Variants in CNTNAP2 observed in about 807,000 individuals in gnomAD.
CNTNAP2 encodes contactin associated protein 2.
Under a neutral mutation model 155.2 loss-of-function variants are expected in CNTNAP2, and 98 were observed. The ratio of observed to expected loss-of-function variants is 0.63; its 90% confidence interval spans 0.54 to 0.75. The LOEUF (loss-of-function observed/expected upper bound fraction) is 0.75. Ranked by LOEUF, CNTNAP2 falls within the 30% of genes least tolerant of loss-of-function variation. The pLI, the probability that CNTNAP2 is intolerant of heterozygous loss-of-function variation, is 0.00. For synonymous variants in CNTNAP2, 651 were observed against 631.2 expected, an observed-to-expected ratio of 1.03 and a Z score of -0.47; for missense variants, 1,727 against 1,688.1, an observed-to-expected ratio of 1.02 and a Z score of -0.40.
At chr7:146,562,176 A>G (rs1391011838) in intron 1 of CNTNAP2, among the ~76,000 whole-genome samples, 1 of 152,204 alleles carries the variant, frequency 6.6e-6, no homozygotes, top group Non-Finnish European at 1.5e-5. Context: ...TGAATTAGTT[A>G]TAAAACTGCT....
At chr7:146,927,438 T>A (rs1008498215) in intron 3 of CNTNAP2, among the ~76,000 whole-genome samples, 25 of 152,104 alleles carry the variant, frequency 1.6e-4, no homozygotes, top group Non-Finnish European at 3.2e-4. Flanking sequence ...TAGAAATATA[T>A]ATAATGATAT....
At chr7:147,216,655 A>G (rs1584798068) in intron 8 of CNTNAP2, among the ~76,000 whole-genome samples, 1 of 151,940 alleles carries the variant, frequency 6.6e-6, no homozygotes, top group South Asian at 2.1e-4. Flanking sequence ...ATTTTGTTAA[A>G]TGTTCTGGGT....
chr7:146,235,868 T>C (rs1403927660), intron 1 of CNTNAP2, among the ~76,000 whole-genome samples: 1 of 152,120 alleles, frequency 6.6e-6, no homozygotes, highest in Non-Finnish European at 1.5e-5. Context: ...AGCAAAGACA[T>C]TGATACATAG....
At chr7:147,891,350 G>A (rs375049031) in intron 13 of CNTNAP2, among the ~76,000 whole-genome samples, 24 of 152,074 alleles carry the variant, frequency 1.6e-4, no homozygotes, top group East Asian at 3.9e-4. Flanking sequence ...GATTGCAGGC[G>A]TGCACCATCA....
chr7:147,287,171 C>A (rs935509910), intron 8 of CNTNAP2, among the ~76,000 whole-genome samples: 55 of 152,032 alleles, frequency 3.6e-4, no homozygotes, highest in African/African-American at 1.2e-3. Context: ...AGAGTGGGGT[C>A]AGTGGATGCA....
intron 21 of CNTNAP2, among the ~76,000 whole-genome samples, chr7:148,274,222 C>G (rs950537052): frequency 6.6e-6 from 1 of 152,000 alleles, no homozygotes; most frequent in Non-Finnish European, 1.5e-5. Context: ...AAACTCTTGA[C>G]TTGTGATGAA....
chr7:146,300,897 G>T (rs1411628795), intron 1 of CNTNAP2, among the ~76,000 whole-genome samples: 1 of 151,994 alleles, frequency 6.6e-6, no homozygotes, highest in East Asian at 1.9e-4. Flanking sequence ...AATATTATAG[G>T]TATTAAAATG....
At chr7:146,483,913 A>C (rs941702488) in intron 1 of CNTNAP2, among the ~76,000 whole-genome samples, 2 of 152,098 alleles carry the variant, frequency 1.3e-5, no homozygotes, top group Admixed American at 1.3e-4. Context: ...AGTGTTTATA[A>C]AGTCTATAGT....
intron 8 of CNTNAP2, among the ~76,000 whole-genome samples, chr7:147,247,682 AG>A (rs1017053098): frequency 9.2e-5 from 14 of 152,168 alleles, no homozygotes; most frequent in Non-Finnish European, 1.5e-4. Context: ...GTCCTTTAAA[AG>A]TTTTTTGTTT....
chr7:147,735,399 A>C (rs1000163666), intron 13 of CNTNAP2, among the ~76,000 whole-genome samples: 3 of 152,126 alleles, frequency 2.0e-5, no homozygotes, highest in African/African-American at 7.2e-5. Flanking sequence ...GTTTATTATA[A>C]TTTCTGTTCT....
In CNTNAP2 at chr7:147,427,457, G is replaced by C. The variant is rs113382196; in HGVS notation, c.1670+31677G>C. ...TCTTATCAGAGCAAACAGAGGCAACGGTGACTGAGCATGGAGATATGTGAG... is the reference window on the plus strand; with the variant it reads ...TCTTATCAGAGCAAACAGAGGCAACCGTGACTGAGCATGGAGATATGTGAG... On this transcript the variant is annotated intron_variant, in intron 10 of 23. Coordinates refer to ENST00000361727, the MANE Select transcript of CNTNAP2 (RefSeq NM_014141.6). Among the ~76,000 whole-genome samples the C allele has an allele frequency of 1.8e-3, 279 of 152,202 alleles. 1 individual carries two copies. The highest frequency in any genetic ancestry group is 6.5e-3 in the African/African-American group (271 of 41,530).
intron 10 of CNTNAP2, among the ~76,000 whole-genome samples, chr7:147,456,883 G>A (rs1327654192): frequency 6.6e-6 from 1 of 152,158 alleles, no homozygotes; most frequent in Non-Finnish European, 1.5e-5. Flanking sequence ...GGGACAGAAT[G>A]TTAACCAGGA....
rs527958295 is a variant in CNTNAP2, at chr7:146,990,024, C to T, written c.403-53883C>T. ...GTCATATTTACAGGGATATTATGTC[C>T]AATAAGCCATATTTACCTACAATTT... On this transcript the variant is annotated intron_variant, in intron 3 of 23. Transcript: ENST00000361727. Among the ~76,000 whole-genome samples, 4 of 150,980 alleles carry T rather than the reference C, an allele frequency of 2.6e-5. No individual in the cohort carries two copies. In the South Asian group the frequency reaches 6.3e-4, roughly 24 times the overall value.
At chr7:147,214,872 T>A (rs1803231408) in intron 8 of CNTNAP2, among the ~76,000 whole-genome samples, 2 of 152,124 alleles carry the variant, frequency 1.3e-5, no homozygotes, top group Non-Finnish European at 2.9e-5. Context: ...CAGTTCCACA[T>A]GGCCGGGGAG....
chr7:146,646,815 C>T (rs927556362), intron 1 of CNTNAP2, among the ~76,000 whole-genome samples: 2 of 152,126 alleles, frequency 1.3e-5, no homozygotes, highest in Non-Finnish European at 2.9e-5. Context: ...GACCTGCAGC[C>T]AGTGTGCCAG....
intron 15 of CNTNAP2, among the ~76,000 whole-genome samples, chr7:148,109,603 C>G (rs1804300685): frequency 6.6e-6 from 1 of 152,074 alleles, no homozygotes; most frequent in Non-Finnish European, 1.5e-5. Context: ...AGGCTGGTTT[C>G]AAACTCCCGA....
intron 3 of CNTNAP2, among the ~76,000 whole-genome samples, chr7:147,010,414 C>T (rs1309876334): frequency 6.6e-6 from 1 of 151,242 alleles, no homozygotes; most frequent in Non-Finnish European, 1.5e-5. Context: ...ATGGATTATG[C>T]CTTCTTGAAA....
intron 13 of CNTNAP2, among the ~76,000 whole-genome samples, chr7:147,677,523 T>C (rs1433383218): frequency 6.6e-6 from 1 of 151,948 alleles, no homozygotes; most frequent in Non-Finnish European, 1.5e-5. Flanking sequence ...TCTATTTTGA[T>C]GCAGTCCTAT....
chr7:147,581,266 C>A (rs1485873846), intron 12 of CNTNAP2, among the ~76,000 whole-genome samples: 2 of 152,112 alleles, frequency 1.3e-5, no homozygotes, highest in Non-Finnish European at 2.9e-5. Flanking sequence ...TTATAAGACA[C>A]AAATTATATT....
Sources: gnomAD v4.1 joint callset for allele counts (sites outside exome capture counted in the v4.1 genomes callset) on GRCh38, gnomAD v4.1.1 for gene constraint, MANE v1.5 for transcripts, NCBI Gene and HGNC (gene_info 2026-07-23, HGNC 2026-07-21) for gene names.